SCN3A: variants seen among roughly 807,000 people sequenced by gnomAD.
SCN3A encodes the protein sodium voltage-gated channel alpha subunit 3.
SCN3A carries 60 observed loss-of-function variants against 187.6 expected under a neutral mutation model. The ratio of observed to expected loss-of-function variants is 0.32; its 90% CI spans 0.26 to 0.40. The LOEUF is 0.40. Among genes scored for constraint, SCN3A ranks in the 10% least tolerant of loss-of-function variants. The pLI, the probability that SCN3A is intolerant of heterozygous loss-of-function variation, is 1.00. For synonymous variants in SCN3A, 788 were observed against 829.2 expected (o/e 0.95, Z 0.85); for missense variants, 1,601 against 2,428.2 (o/e 0.66, Z 7.16).
chr2:165,141,146 CAT>C (rs1687988241), intron 12 of SCN3A, 148 bp from the exon 13 acceptor site: 4 of 605,720 alleles, frequency 6.6e-6, no homozygotes, highest in African/African-American at 3.7e-5. Context: ...ATAGAGGACA[CAT>C]ATATTTTGAT....
intron 2 of SCN3A, among the ~76,000 whole-genome samples, chr2:165,180,228 T>G (rs1232318862): frequency 1.3e-5 from 2 of 152,188 alleles, no homozygotes; most frequent in African/African-American, 4.8e-5. Flanking sequence ...CTCGAAATCA[T>G]TTATTTGGAA....
At chr2:165,096,781 C>G (rs1050498001) in intron 23 of SCN3A, among the ~76,000 whole-genome samples, 1 of 152,092 alleles carries the variant, frequency 6.6e-6, no homozygotes, top group Non-Finnish European at 1.5e-5. Flanking sequence ...AAACTGCCAT[C>G]TCAGTCCCAA....
At chr2:165,175,076 A>G (rs1311233735) in intron 3 of SCN3A, among the ~76,000 whole-genome samples, 1 of 152,218 alleles carries the variant, frequency 6.6e-6, no homozygotes, top group African/African-American at 2.4e-5. Context: ...TTAGAACAAC[A>G]GGACTAATTC....
chr2:165,171,100 T>C (rs567202878), intron 3 of SCN3A, among the ~76,000 whole-genome samples: 1 of 152,162 alleles, frequency 6.6e-6, no homozygotes, highest in South Asian at 2.1e-4. Flanking sequence ...TGAAATTTAG[T>C]CTGAAATACA....
Position 165,140,679 on chromosome 2 carries a change from G to A in SCN3A, c.1991C>T (p.Thr664Met), listed in dbSNP as rs201168906. 1.8e-5 allele frequency: 29 copies of A among 1,613,980 alleles called. No homozygotes were observed. The highest frequency in any genetic ancestry group is 2.2e-5 in the East Asian group (1 of 44,864). Residue 664 changes from threonine (T) to methionine (M), a missense_variant, in exon 13 of 28, where the codon ACG (threonine) becomes ATG (methionine). By Grantham distance (81) the Thr-to-Met change is moderately conservative (BLOSUM62 -1). This residue lies in a region of SCN3A where 376 missense variants were observed against 476.0 expected (regional missense o/e 0.79). Transcript: ENST00000283254. This position sits in a 1 kb window ranked among gnomAD's most constrained non-coding sequence, Gnocchi z 4.2. ...TGGGGGAAGTTGTCCAGTAGGTGACGTTAGAGCTGAAGGTCCACCCACCAA... is the reference window on the plus strand; with the variant it reads ...TGGGGGAAGTTGTCCAGTAGGTGACATTAGAGCTGAAGGTCCACCCACCAA... ...VSLVGGPSAL[T>M]SPTGQLPPEG...
At position 165,146,888 on chromosome 2, in the gene SCN3A, GTCT is replaced by G. The variant is rs1289418789; in HGVS notation, c.1519_1521del (p.Arg507del). On this transcript the variant is annotated inframe_deletion, in exon 12 of 28. Transcript: ENST00000283254. ...TTGTTTCCTTCAAGGTGCTCTCTCT[GTCT>G]TCTTTTCTTCCTTCGGTTCCTCCAT... is the stretch of plus-strand genomic sequence containing the variant. 1.2e-6 allele frequency: 2 copies of G among 1,614,052 alleles called. No individual in the cohort carries two copies. Among genetic ancestry groups the G allele is most frequent in the African/African-American group, 1.3e-5 (1 of 75,034 alleles).
At chr2:165,169,052 A>T (rs928753048) in intron 4 of SCN3A, among the ~76,000 whole-genome samples, 1 of 148,146 alleles carries the variant, frequency 6.8e-6, no homozygotes, top group Non-Finnish European at 1.5e-5. Context: ...TAGAAAAATG[A>T]TCTCTATTTG....
Position 165,092,158 on chromosome 2 carries a change from T to C in SCN3A, c.4807+96A>G, listed in dbSNP as rs1373754651. 7.5e-5 allele frequency: 91 copies of C among 1,208,622 alleles called. No individual in the cohort carries two copies. The highest frequency in any genetic ancestry group is 1.0e-4 in the Non-Finnish European group (84 of 814,358). 74.9% of individuals were successfully genotyped at this position (1,208,622 alleles called of 1,614,324 possible). On this transcript the variant is annotated intron_variant, in intron 27 of 27. Transcript: ENST00000283254. The surrounding 1 kb of genome is among the most constrained non-coding windows in gnomAD (Gnocchi z 4.2). ...TTGAACTTTACATCTATATGCATTA[T>C]TATTCTCAGACCTAATTTCCATGTT...
rs183520855 is a variant in SCN3A at position 165,187,919 on chromosome 2, C to T, written c.-247-1172G>A. ...GTTAGTTCCCTCTACTTCACAGCCA[C>T]AAGCTTAATAAATGTTATTTCCCTT... On this transcript the variant is annotated intron_variant, in intron 1 of 27. Transcript: ENST00000283254. 4.6e-5 allele frequency among the ~76,000 whole-genome samples: 7 copies of T among 152,330 alleles called. No individual in the cohort carries two copies. The East Asian group carries it at 1.2e-3, about 25-fold the overall frequency.
intron 2 of SCN3A, among the ~76,000 whole-genome samples, chr2:165,178,169 G>C (rs1242031895): frequency 6.6e-6 from 1 of 151,906 alleles, no homozygotes; most frequent in Non-Finnish European, 1.5e-5. Context: ...TTAATTACTA[G>C]TTCCCTGATC....
rs748464925 is a variant in SCN3A at position 165,095,547 on chromosome 2, A to C, written c.4395T>G (p.Gly1465=). The stretch of plus-strand genomic sequence containing the variant: ...GCTGGTTGAAGTTATCTATGATGAC[A>C]CCAATGAATAGATTCAGAGTGAAGA... ...GSFFTLNLFI[G]VIIDNFNQQK... is the part of the protein sequence containing the mutation. The change falls in exon 25 of 28, where the codon GGT becomes GGG. Residue 1465 remains glycine (G), a synonymous_variant. Coordinates refer to ENST00000283254, the MANE Select transcript of SCN3A (RefSeq NM_006922.4). 23 of 1,610,718 alleles carry C rather than the reference A, an allele frequency of 1.4e-5. No homozygotes were observed. The highest frequency in any genetic ancestry group is 1.7e-6 in the Non-Finnish European group (2 of 1,177,120).
At chr2:165,100,540 A>C in intron 21 of SCN3A, 116 bp from the exon 22 acceptor site, 1 of 1,015,198 alleles carries the variant, frequency 9.9e-7, no homozygotes, top group South Asian at 1.4e-5. Flanking sequence ...TACCTTGGCA[A>C]CTTTCATCTT....
intron 1 of SCN3A, among the ~76,000 whole-genome samples, chr2:165,192,817 C>T (rs183222902): frequency 4.6e-5 from 7 of 151,910 alleles, no homozygotes; most frequent in African/African-American, 1.7e-4. Flanking sequence ...TATTAAATTC[C>T]TTGAGGAGAA....
chr2:165,183,762 T>C (rs1452075816), intron 2 of SCN3A, among the ~76,000 whole-genome samples: 1 of 152,176 alleles, frequency 6.6e-6, no homozygotes, highest in African/African-American at 2.4e-5. Flanking sequence ...GCAGTCAAAA[T>C]CGATTAGTTC....
chr2:165,191,905 T>A lies in SCN3A; in HGVS notation c.-247-5158A>T, dbSNP rs112437513. Among the ~76,000 whole-genome samples, 1,148 of 152,218 alleles carry A rather than the reference T, an allele frequency of 7.5e-3. 13 individuals carry two copies. Among genetic ancestry groups the A allele is most frequent in the African/African-American group, 0.026 (1,076 of 41,554 alleles). ...TTTTAAATCAATGAATTATTTAATT[T>A]TGGTTTCTGAAAAATTTAGTAGTTT... On this transcript the variant is annotated intron_variant, in intron 1 of 27. Transcript: ENST00000283254.
At chr2:165,172,364 T>A (rs1377552995) in intron 3 of SCN3A, among the ~76,000 whole-genome samples, 1 of 152,176 alleles carries the variant, frequency 6.6e-6, no homozygotes, top group African/African-American at 2.4e-5. Flanking sequence ...TGTGAATAGT[T>A]TTATGAAGCG....
chr2:165,193,512 C>A (rs1019196162), intron 1 of SCN3A, among the ~76,000 whole-genome samples: 3 of 152,140 alleles, frequency 2.0e-5, no homozygotes, highest in African/African-American at 7.2e-5. Flanking sequence ...CCTACCCCAA[C>A]ATCAGCCATA....
intron 11 of SCN3A, among the ~76,000 whole-genome samples, chr2:165,147,293 G>A (rs550287037): frequency 1.5e-5 from 2 of 136,290 alleles, no homozygotes; most frequent in East Asian, 2.3e-4. Context: ...TGGGGGGGGG[G>A]GGTTGGTGAC....
chr2:165,155,981 C>A (rs1688999285), intron 9 of SCN3A, 78 bp from the exon 10 acceptor site: 1 of 1,563,668 alleles, frequency 6.4e-7, no homozygotes, highest in Non-Finnish European at 8.8e-7. Flanking sequence ...TAGGAATTTT[C>A]AAAACCCAAA....
Sources: gnomAD v4.1 joint callset for allele counts (sites outside exome capture counted in the v4.1 genomes callset) on GRCh38, gnomAD v4.1.1 for gene constraint, gnomAD v4.1.1 regional missense constraint, Gnocchi (gnomAD v3.1) non-coding constraint, MANE v1.5 for transcripts, NCBI Gene and HGNC (gene_info 2026-07-23, HGNC 2026-07-21) for gene names.